OPHN1: variants seen among roughly 807,000 people sequenced by gnomAD.
OPHN1 encodes the protein oligophrenin 1.
Under a neutral mutation model 60.7 loss-of-function variants are expected in OPHN1, and 11 were observed. That is an observed-to-expected ratio of 0.18 (90% confidence interval 0.11 to 0.30). OPHN1 has a LOEUF of 0.30. Ranked by LOEUF, OPHN1 falls within the 10% of genes least tolerant of loss-of-function variation. The pLI, the probability that OPHN1 is intolerant of heterozygous loss-of-function variation, is 1.00. For synonymous variants in OPHN1, 226 were observed against 222.6 expected, an observed-to-expected ratio of 1.02 and a Z score of -0.14; for missense variants, 449 against 611.0, an observed-to-expected ratio of 0.73 and a Z score of 2.80.
At chrX:68,295,501 C>G (rs770481974) in intron 3 of OPHN1, among the ~76,000 whole-genome samples, 1 of 112,470 alleles carries the variant, frequency 8.9e-6, no homozygotes, top group African/African-American at 3.2e-5. Context: ...ATTAATGTTA[C>G]CAAGATCCCA....
chrX:68,217,235 G>A (rs2077616089), intron 6 of OPHN1, among the ~76,000 whole-genome samples: 1 of 111,959 alleles, frequency 8.9e-6, no homozygotes. Context: ...TTAAAAAACG[G>A]AGCACCACGA....
intron 15 of OPHN1, among the ~76,000 whole-genome samples, chrX:68,188,460 T>C (rs2077473048): frequency 1.8e-5 from 2 of 112,150 alleles, no homozygotes. Context: ...GTAGTAAGTA[T>C]AGTAATGATT....
At chrX:68,269,545 C>G (rs1395120847) in intron 5 of OPHN1, among the ~76,000 whole-genome samples, 2 of 111,602 alleles carry the variant, frequency 1.8e-5, no homozygotes, top group Non-Finnish European at 3.8e-5. Context: ...ATGTAGAAAG[C>G]TGAAACTGGA....
At chrX:68,362,481 T>C (rs941355932) in intron 2 of OPHN1, among the ~76,000 whole-genome samples, 1 of 111,991 alleles carries the variant, frequency 8.9e-6, no homozygotes, top group Non-Finnish European at 1.9e-5. Flanking sequence ...ATGTCTTGTA[T>C]ACATGAAAAT....
chrX:68,250,390 T>C, intron 5 of OPHN1, among the ~76,000 whole-genome samples: 1 of 112,037 alleles, frequency 8.9e-6, no homozygotes, highest in Non-Finnish European at 1.9e-5. Context: ...GCTGATATAA[T>C]TATTGTTCAC....
chrX:68,263,752 T>G (rs962784515), intron 5 of OPHN1, among the ~76,000 whole-genome samples: 5 of 111,791 alleles, frequency 4.5e-5, no homozygotes, highest in Admixed American at 1.9e-4. Flanking sequence ...TCTAGGTCAG[T>G]GTTATCCAAT....
chrX:68,124,632 G>A (rs2077162655), intron 15 of OPHN1, among the ~76,000 whole-genome samples: 1 of 109,078 alleles, frequency 9.2e-6, no homozygotes, highest in African/African-American at 3.4e-5. Context: ...TCATTCTCAA[G>A]GACAGACCAT....
intron 2 of OPHN1, among the ~76,000 whole-genome samples, chrX:68,401,058 A>C (rs1271685594): frequency 9.0e-6 from 1 of 111,645 alleles, no homozygotes; most frequent in Non-Finnish European, 1.9e-5. Flanking sequence ...GATGGTGTTA[A>C]ACCACAAGAA....
At chrX:68,047,903 G>A (rs1228315921) in intron 24 of OPHN1, among the ~76,000 whole-genome samples, 4 of 112,352 alleles carry the variant, frequency 3.6e-5, no homozygotes, top group East Asian at 5.6e-4. Context: ...GACTAAGAAT[G>A]AAGGTTCAGG....
At chrX:68,228,925 G>GA (rs1330670236) in intron 6 of OPHN1, among the ~76,000 whole-genome samples, 1 of 110,220 alleles carries the variant, frequency 9.1e-6, no homozygotes, top group Non-Finnish European at 1.9e-5. Context: ...AATCAAGCAG[G>GA]AGAAAGAAAT....
chrX:68,278,328 T>G (rs1486812583), intron 4 of OPHN1, among the ~76,000 whole-genome samples: 1 of 112,278 alleles, frequency 8.9e-6, no homozygotes, highest in Non-Finnish European at 1.9e-5. Context: ...GACTCCCCTT[T>G]GAAGTAAATT....
At chrX:68,391,876 G>A (rs1347865960) in intron 2 of OPHN1, among the ~76,000 whole-genome samples, 1 of 110,971 alleles carries the variant, frequency 9.0e-6, no homozygotes, top group African/African-American at 3.3e-5. Context: ...AAGGAAACAG[G>A]TTCTCCCCCC....
At chrX:68,060,019 T>C (rs772625297) in intron 21 of OPHN1, among the ~76,000 whole-genome samples, 1 of 111,626 alleles carries the variant, frequency 9.0e-6, no homozygotes, top group Non-Finnish European at 1.9e-5. Flanking sequence ...TCCCTTTGCA[T>C]ATGATTATAC....
In OPHN1 at chrX:68,043,828, A is replaced by G. The variant is rs1273128399; in HGVS notation, c.*3344T>C. On this transcript the variant is annotated 3_prime_UTR_variant, in exon 25 of 25. Transcript: ENST00000355520. Reference sequence around the variant, plus strand: ...ATTTGTAGAGATTTGACCCCAATACATCAAGTACTGCAGAGGCACCAAGAC... The same window carrying G: ...ATTTGTAGAGATTTGACCCCAATACGTCAAGTACTGCAGAGGCACCAAGAC... 3 of 111,994 alleles carry G rather than the reference A, an allele frequency of 2.7e-5. No homozygotes were observed. Among genetic ancestry groups the G allele is most frequent in the South Asian group, 3.8e-4 (1 of 2,649 alleles). 9.2% of individuals were successfully genotyped at this position (111,994 alleles called of 1,213,427 possible). A position where few individuals can be genotyped will look rare whatever the true frequency, so the allele number is the denominator to read the frequency against.
chrX:68,380,724 A>G (rs914541786), intron 2 of OPHN1, among the ~76,000 whole-genome samples: 2 of 111,295 alleles, frequency 1.8e-5, no homozygotes, highest in Non-Finnish European at 3.8e-5. Flanking sequence ...TTCAGTTTCC[A>G]TGTAGTAGAG....
At chrX:68,294,501 A>T (rs867448079) in intron 3 of OPHN1, among the ~76,000 whole-genome samples, 58 of 106,691 alleles carry the variant, frequency 5.4e-4, no homozygotes, top group African/African-American at 1.8e-3. Context: ...AAAAAAAAAA[A>T]AGTAAGCATA....
chrX:68,100,408 A>G (rs753939743), intron 18 of OPHN1, among the ~76,000 whole-genome samples: 3 of 112,050 alleles, frequency 2.7e-5, no homozygotes, highest in Non-Finnish European at 3.8e-5. Context: ...TTATGTTTAT[A>G]AACAGTTCTA....
chrX:68,081,593 T>G (rs1161112519), intron 19 of OPHN1, among the ~76,000 whole-genome samples: 2 of 111,945 alleles, frequency 1.8e-5, no homozygotes, highest in Non-Finnish European at 3.8e-5. Flanking sequence ...TGTAGTCTAG[T>G]AAGTGTGCAA....
intron 2 of OPHN1, among the ~76,000 whole-genome samples, chrX:68,351,884 T>C (rs1281850114): frequency 1.1e-5 from 1 of 87,773 alleles, no homozygotes; most frequent in Non-Finnish European, 2.2e-5. Context: ...TTTTTTTTTT[T>C]TTTTTTTTTT....
Sources: allele counts gnomAD v4.1 joint callset (sites outside exome capture counted in the v4.1 genomes callset), GRCh38; gene constraint gnomAD v4.1.1; transcripts MANE v1.5; gene names NCBI Gene and HGNC (gene_info 2026-07-23, HGNC 2026-07-21).